WDR59: variants seen among roughly 807,000 people sequenced by gnomAD.
The protein encoded by WDR59 is WD repeat domain 59, also known as GATOR2 complex protein WDR59.
In WDR59, 100 loss-of-function variants were observed where a neutral mutation model predicts 131.2. The ratio of observed to expected loss-of-function variants is 0.76; its 90% CI spans 0.65 to 0.90. The LOEUF is 0.90. WDR59 is among the 40% of genes least tolerant of loss of function. WDR59 has a pLI of 0.00. For synonymous variants in WDR59, 601 were observed against 466.2 expected (o/e 1.29, Z -3.72); for missense variants, 1,203 against 1,262.2 (o/e 0.95, Z 0.71).
intron 8 of WDR59, among the ~76,000 whole-genome samples, chr16:74,933,113 G>A (rs754971878): frequency 2.0e-5 from 3 of 152,062 alleles, no homozygotes; most frequent in South Asian, 2.1e-4. Context: ...TGCCAGCCTG[G>A]GCAACATAGC....
Position 74,951,208 on chromosome 16 carries a change from T to C in WDR59, c.326+250A>G, listed in dbSNP as rs528331115. On this transcript the variant is annotated intron_variant, in intron 4 of 25. Coordinates refer to ENST00000262144, the MANE Select transcript of WDR59 (RefSeq NM_030581.4). ...TCAGCTCTAATCCTTTACCCTGGAC[T>C]GGACTATATCCATCCGGGATATGGT... is the stretch of plus-strand genomic sequence containing the variant. Among the ~76,000 whole-genome samples, 27 of 150,372 alleles carry C rather than the reference T, an allele frequency of 1.8e-4. 1 individual carries two copies. Among genetic ancestry groups the C allele is most frequent in the African/African-American group, 6.6e-4 (27 of 40,816 alleles).
At chr16:74,984,277 A>C (rs2034538812) in intron 1 of WDR59, among the ~76,000 whole-genome samples, 1 of 151,974 alleles carries the variant, frequency 6.6e-6, no homozygotes, top group Non-Finnish European at 1.5e-5. Flanking sequence ...TCTCCATCTC[A>C]AAAAAAATAA....
intron 25 of WDR59, 34 bp from the exon 26 acceptor site, chr16:74,874,478 C>A: frequency 6.3e-7 from 1 of 1,599,262 alleles, no homozygotes; most frequent in Non-Finnish European, 8.6e-7. Flanking sequence ...AAACAAGAGG[C>A]AGCATGAGTT....
chr16:74,874,549 T>TGCTAGAGTCTTAAG, intron 25 of WDR59, 105 bp from the exon 26 acceptor site: 1 of 848,082 alleles, frequency 1.2e-6, no homozygotes, highest in Non-Finnish European at 1.9e-6. Context: ...CTCAAGACTC[T>TGCTAGAGTCTTAAG]AGCAGATTCT....
intron 1 of WDR59, among the ~76,000 whole-genome samples, chr16:74,966,546 G>C (rs371976803): frequency 6.6e-6 from 1 of 152,070 alleles, no homozygotes; most frequent in African/African-American, 2.4e-5. Flanking sequence ...AGGCTGACTA[G>C]CTCAGAGAAA....
At chr16:74,933,905 A>G (rs1247215748) in intron 8 of WDR59, among the ~76,000 whole-genome samples, 1 of 152,226 alleles carries the variant, frequency 6.6e-6, no homozygotes, top group Non-Finnish European at 1.5e-5. Flanking sequence ...TTAGACCCTT[A>G]TATAACAACT....
chr16:74,970,456 C>T lies in WDR59; in HGVS notation c.55-4634G>A, dbSNP rs149712818. ...GCTTGCAGTGAGCCAAGATGCGCCA[C>T]TGCACTCCAGCCTGGGTGACAGAGA... On this transcript the variant is annotated intron_variant, in intron 1 of 25. Coordinates refer to ENST00000262144, the MANE Select transcript of WDR59 (RefSeq NM_030581.4). 4.3e-3 allele frequency among the ~76,000 whole-genome samples: 607 copies of T among 140,684 alleles called. 15 individuals carry two copies. Among genetic ancestry groups the T allele is most frequent in the Admixed American group, 0.04 (510 of 12,834 alleles). 92.3% of individuals were successfully genotyped at this position (140,684 alleles called of 152,430 possible).
intron 8 of WDR59, chr16:74,930,853 A>G (rs773290725): frequency 7.3e-6 from 1 of 137,232 alleles, no homozygotes; most frequent in Non-Finnish European, 1.5e-5. Flanking sequence ...AGATTGTGCC[A>G]CAACACTCTA....
chr16:74,945,487 A>C (rs1221295181), intron 6 of WDR59, among the ~76,000 whole-genome samples: 1 of 152,074 alleles, frequency 6.6e-6, no homozygotes, highest in Non-Finnish European at 1.5e-5. Context: ...AAAAATAAAA[A>C]AAAAAAAGAA....
chr16:74,909,201 A>G (rs2303250), intron 16 of WDR59, among the ~76,000 whole-genome samples: 55,505 of 151,822 alleles, frequency 0.37, 10,181 homozygotes, highest in African/African-American at 0.4. Context: ...AGTCATCAGC[A>G]GGACTCTAAG....
intron 6 of WDR59, among the ~76,000 whole-genome samples, chr16:74,946,947 C>CT (rs1236361769): frequency 6.6e-6 from 1 of 152,124 alleles, no homozygotes; most frequent in Non-Finnish European, 1.5e-5. Flanking sequence ...ATAACACATG[C>CT]TTTTATAAAG....
At chr16:74,889,095 G>C (rs1964917403) in intron 21 of WDR59, among the ~76,000 whole-genome samples, 1 of 152,194 alleles carries the variant, frequency 6.6e-6, no homozygotes, top group Non-Finnish European at 1.5e-5. Flanking sequence ...GTGTCCCAGG[G>C]GTGGCCTTAA....
chr16:74,940,340 T>G (rs4888318), intron 7 of WDR59, among the ~76,000 whole-genome samples: 1 of 150,166 alleles, frequency 6.7e-6, no homozygotes. Flanking sequence ...GAATGCGCCA[T>G]TGCACTCCAG....
chr16:74,917,833 T>C, intron 11 of WDR59, 96 bp downstream of exon 11: 1 of 878,414 alleles, frequency 1.1e-6, no homozygotes, highest in Non-Finnish European at 1.7e-6. Context: ...AAAAAAAAAA[T>C]TGTTTATCCT....
Position 74,980,215 on chromosome 16 carries a change from G to A in WDR59, c.54+4749C>T, listed in dbSNP as rs952012653. 2.0e-5 allele frequency among the ~76,000 whole-genome samples: 3 copies of A among 151,652 alleles called. No individual in the cohort carries two copies. In the South Asian group the frequency reaches 6.2e-4, roughly 32 times the overall value. ...TGCCAGGAAGCACTTCACAGTAGTTGCCAAGCAGCACAGGCTCTTGATTAT... is the reference window on the plus strand; with the variant it reads ...TGCCAGGAAGCACTTCACAGTAGTTACCAAGCAGCACAGGCTCTTGATTAT... On this transcript the variant is annotated intron_variant, in intron 1 of 25. Coordinates refer to ENST00000262144, the MANE Select transcript of WDR59 (RefSeq NM_030581.4).
At chr16:74,927,685 C>A (rs1345480356) in intron 8 of WDR59, among the ~76,000 whole-genome samples, 6 of 137,622 alleles carry the variant, frequency 4.4e-5, no homozygotes, top group African/African-American at 1.7e-4. Context: ...CTTTAAAAAA[C>A]ACACACACAC....
chr16:74,908,814 C>T (rs1275272364), intron 17 of WDR59, 94 bp downstream of exon 17: 2 of 931,548 alleles, frequency 2.1e-6, no homozygotes, highest in South Asian at 2.9e-5. Flanking sequence ...AACTGAAATG[C>T]ACTGTCCAAA....
At chr16:74,896,878 G>A (rs1047333367) in intron 18 of WDR59, among the ~76,000 whole-genome samples, 9 of 152,230 alleles carry the variant, frequency 5.9e-5, no homozygotes, top group African/African-American at 1.9e-4. Flanking sequence ...TCTGTGATGA[G>A]GGATACTACT....
chr16:74,889,721 C>T lies in WDR59; in HGVS notation c.2177G>A (p.Arg726Gln). The T allele has an allele frequency of 2.5e-6, 4 of 1,613,788 alleles. No homozygotes were observed. Among genetic ancestry groups the T allele is most frequent in the Non-Finnish European group, 2.5e-6 (3 of 1,179,938 alleles). ...ETPWARHPFG[R>Q]QLLESLLAHY... ...AACCTACAGGGACTCCAGCAGCTGC[C>T]GCCCAAATGGATGTCGAGCCCAGGG... The change falls in exon 21 of 26, where the codon CGG (arginine) becomes CAG (glutamine). Residue 726 changes from arginine (R) to glutamine (Q), a missense_variant. By Grantham distance (43) the Arg-to-Gln change is conservative (BLOSUM62 1). Coordinates refer to ENST00000262144, the MANE Select transcript of WDR59 (RefSeq NM_030581.4).
Sources: allele counts gnomAD v4.1 joint callset (sites outside exome capture counted in the v4.1 genomes callset), GRCh38; gene constraint gnomAD v4.1.1; transcripts MANE v1.5; gene names NCBI Gene and HGNC (gene_info 2026-07-23, HGNC 2026-07-21).